FAT4: variants seen among roughly 807,000 people sequenced by gnomAD.
FAT4 encodes the protein FAT atypical cadherin 4, also known as protocadherin Fat 4.
In FAT4, 84 loss-of-function variants were observed where a neutral mutation model predicts 303.9. The ratio of observed to expected loss-of-function variants is 0.28; its 90% CI spans 0.23 to 0.33. The LOEUF (loss-of-function observed/expected upper bound fraction) is 0.33, where lower values mean the gene tolerates loss of function less well. FAT4 is among the 10% of genes least tolerant of loss of function. The probability of loss-of-function intolerance (pLI) is 1.00; values close to 1 mark genes in which losing one functional copy is unlikely to be tolerated. For missense variants in FAT4, 6,005 were observed against 6,146.8 expected (o/e 0.98, Z 0.77); for synonymous variants, 2,307 against 2,298.8 (o/e 1.00, Z -0.10).
At chr4:125,392,034 C>G (rs1733995357) in intron 2 of FAT4, among the ~76,000 whole-genome samples, 1 of 152,046 alleles carries the variant, frequency 6.6e-6, no homozygotes, top group East Asian at 1.9e-4. Flanking sequence ...ATAGAAGTCT[C>G]TAATTTAAGT....
intron 7 of FAT4, among the ~76,000 whole-genome samples, chr4:125,430,420 A>G (rs1046443749): frequency 2.0e-5 from 3 of 152,158 alleles, no homozygotes; most frequent in Admixed American, 6.5e-5. Flanking sequence ...AAGATGTTGT[A>G]GTGGGATGGA....
At chr4:125,473,548 A>G (rs1479257560) in intron 12 of FAT4, among the ~76,000 whole-genome samples, 1 of 152,062 alleles carries the variant, frequency 6.6e-6, no homozygotes. Context: ...AGATTGATAT[A>G]TATAGATTGG....
chr4:125,452,775 G>A lies in FAT4; in HGVS notation c.11765G>A (p.Gly3922Glu), dbSNP rs1279158687. ...KNGAICQNFPGSFNCVCKTGY... is the reference protein window; with the variant it reads ...KNGAICQNFPESFNCVCKTGY... ...GGTGCCATCTGCCAGAATTTTCCAG[G>A]AAGCTTCAACTGTGTTTGCAAAACT... The change falls in exon 10 of 18, where the codon GGA becomes GAA. Residue 3922 changes from glycine (G) to glutamate (E), a missense_variant. Physicochemically the swap from Gly to Glu is moderately conservative, Grantham distance 98. Transcript: ENST00000394329. 2 of 1,613,614 alleles carry A rather than the reference G, an allele frequency of 1.2e-6. No individual in the cohort carries two copies. The highest frequency in any genetic ancestry group is 1.7e-5 in the Admixed American group (1 of 59,986).
At position 125,448,815 on chromosome 4, in the gene FAT4, C is replaced by T. The variant is rs757086844; in HGVS notation, c.7805C>T (p.Ser2602Leu). Residue 2602 changes from serine to leucine, a missense_variant, in exon 10 of 18, where the codon TCA (serine) becomes TTA (leucine). Physicochemically the swap from Ser to Leu is moderately radical, Grantham distance 145. Transcript: ENST00000394329. ...TCCTCTTTAAGAGGAGAACCTATGTCATATTATATCGCAAGTGGGAATCTT... is the reference window on the plus strand; with the variant it reads ...TCCTCTTTAAGAGGAGAACCTATGTTATATTATATCGCAAGTGGGAATCTT... ...TGSSLRGEPM[S>L]YYIASGNLGN... is the part of the protein sequence containing the mutation. 59 of 1,609,024 alleles carry T rather than the reference C, an allele frequency of 3.7e-5. No individual in the cohort carries two copies. In the Middle Eastern group the frequency reaches 4.9e-4, roughly 13 times the overall value.
chr4:125,448,502 G>A lies in FAT4; in HGVS notation c.7492G>A (p.Gly2498Arg). The A allele has an allele frequency of 6.2e-7, 1 of 1,612,152 alleles. No homozygotes were observed. The highest frequency in any genetic ancestry group is 8.5e-7 in the Non-Finnish European group (1 of 1,178,772). ...FAVTVTDADI[G>R]PNSELHYSLS... ...GGTTACAGTCACAGATGCTGATATT[G>A]GACCAAATTCTGAACTGCATTATTC... Residue 2498 changes from glycine to arginine, a missense_variant, in exon 10 of 18, where the codon GGA becomes AGA. By Grantham distance (125) the Gly-to-Arg change is moderately radical (BLOSUM62 -2). Coordinates refer to ENST00000394329, the MANE Select transcript of FAT4 (RefSeq NM_001291303.3).
At chr4:125,470,299 A>G (rs1726812485) in intron 12 of FAT4, among the ~76,000 whole-genome samples, 1 of 152,204 alleles carries the variant, frequency 6.6e-6, no homozygotes, top group Non-Finnish European at 1.5e-5. Flanking sequence ...GATTTTTAAT[A>G]TGGAAAAGGA....
intron 7 of FAT4, among the ~76,000 whole-genome samples, chr4:125,425,287 A>G (rs554738630): frequency 6.6e-6 from 1 of 152,292 alleles, no homozygotes; most frequent in African/African-American, 2.4e-5. Flanking sequence ...TGTACTGCCC[A>G]TTCAGCTGTT....
intron 2 of FAT4, among the ~76,000 whole-genome samples, chr4:125,386,733 A>G (rs1490031407): frequency 6.6e-6 from 1 of 152,226 alleles, no homozygotes; most frequent in African/African-American, 2.4e-5. Flanking sequence ...TGTTTCATAT[A>G]AATTAAATTT....
At position 125,319,244 on chromosome 4, in the gene FAT4, A is replaced by G; in HGVS notation, c.2833A>G (p.Lys945Glu). ...CAAGAACCTGTTTGCTATCAATGAA[A>G]AGAATGGCACTATTAGTCTGCTTGG... is the stretch of plus-strand genomic sequence containing the variant. ...NPKNLFAINEKNGTISLLGPL... is the reference protein window; with the variant it reads ...NPKNLFAINEENGTISLLGPL... Residue 945 changes from lysine (K) to glutamate (E), a missense_variant, in exon 2 of 18, where the codon AAG (lysine) becomes GAG (glutamate). Coordinates refer to ENST00000394329, the MANE Select transcript of FAT4 (RefSeq NM_001291303.3). 1.2e-6 allele frequency: 2 copies of G among 1,614,176 alleles called. No homozygotes were observed. The highest frequency in any genetic ancestry group is 1.7e-6 in the Non-Finnish European group (2 of 1,180,030).
rs1726150476 is a variant in FAT4, at chr4:125,452,916, ATAG to A, written c.11800+109_11800+111del. 6.9e-5 allele frequency: 91 copies of A among 1,327,880 alleles called. 1 individual carries two copies. The South Asian group carries it at 1.3e-3, about 19-fold the overall frequency. 82.3% of individuals were successfully genotyped at this position (1,327,880 alleles called of 1,614,324 possible). On this transcript the variant is annotated intron_variant, in intron 10 of 17. Transcript: ENST00000394329. ...AATGATTTTCATATAAATGAGCATA[ATAG>A]TAACAAATGTTTTTAAACATTTACT... is the stretch of plus-strand genomic sequence containing the variant.
intron 8 of FAT4, among the ~76,000 whole-genome samples, chr4:125,436,381 G>T (rs371977169): frequency 6.6e-6 from 1 of 152,102 alleles, no homozygotes; most frequent in Non-Finnish European, 1.5e-5. Flanking sequence ...TCAAATGACT[G>T]TTACTCATTC....
chr4:125,391,087 T>C (rs1364117139), intron 2 of FAT4, among the ~76,000 whole-genome samples: 1 of 152,126 alleles, frequency 6.6e-6, no homozygotes. Context: ...GTAAGTAAGT[T>C]TGACCATTGT....
intron 10 of FAT4, among the ~76,000 whole-genome samples, chr4:125,453,696 C>T (rs1287537194): frequency 7.9e-6 from 1 of 126,332 alleles, no homozygotes; most frequent in Non-Finnish European, 1.6e-5. Context: ...CAGAGCAAGA[C>T]TCTGTCTTAA....
chr4:125,457,155 A>ACACACACACACC (rs1553928004), intron 10 of FAT4, among the ~76,000 whole-genome samples: 2 of 124,754 alleles, frequency 1.6e-5, no homozygotes, highest in Non-Finnish European at 3.3e-5. Flanking sequence ...ACACACACAC[A>ACACACACACACC]CCACTGAGTA....
intron 7 of FAT4, among the ~76,000 whole-genome samples, chr4:125,425,096 GA>G (rs1725043963): frequency 6.6e-6 from 1 of 152,178 alleles, no homozygotes; most frequent in Non-Finnish European, 1.5e-5. Flanking sequence ...ATACATCTTA[GA>G]AAGTCATAAA....
intron 16 of FAT4, among the ~76,000 whole-genome samples, chr4:125,484,792 T>C (rs931379454): frequency 2.6e-5 from 4 of 152,048 alleles, no homozygotes; most frequent in Non-Finnish European, 5.9e-5. Flanking sequence ...TATTTGTGTA[T>C]ATAATCATAT....
intron 2 of FAT4, among the ~76,000 whole-genome samples, chr4:125,393,783 A>C (rs1213970540): frequency 2.0e-5 from 3 of 152,208 alleles, no homozygotes; most frequent in Non-Finnish European, 2.9e-5. Flanking sequence ...TAAAATTACC[A>C]AAAGACAGAT....
intron 5 of FAT4, among the ~76,000 whole-genome samples, chr4:125,414,218 A>T (rs1292688267): frequency 6.6e-6 from 1 of 152,098 alleles, no homozygotes; most frequent in Non-Finnish European, 1.5e-5. Context: ...ACAATTTTTA[A>T]ACTAAAAAAT....
Position 125,401,632 on chromosome 4 carries a change from T to G in FAT4, c.5307+2717T>G, listed in dbSNP as rs193158660. 9.9e-5 allele frequency among the ~76,000 whole-genome samples: 15 copies of G among 152,116 alleles called. No homozygotes were observed. In the East Asian group the frequency reaches 2.5e-3, roughly 25 times the overall value. The stretch of plus-strand genomic sequence containing the variant: ...CCTGGGTAAAGGAATTACAATTTTA[T>G]AAAACAACATGTACATGTTGAACTT... On this transcript the variant is annotated intron_variant, in intron 3 of 17. Coordinates refer to ENST00000394329, the MANE Select transcript of FAT4 (RefSeq NM_001291303.3).
Sources: gnomAD v4.1 joint callset for allele counts (sites outside exome capture counted in the v4.1 genomes callset) on GRCh38, gnomAD v4.1.1 for gene constraint, MANE v1.5 for transcripts, NCBI Gene and HGNC (gene_info 2026-07-23, HGNC 2026-07-21) for gene names.